LRRC69: variants seen among roughly 807,000 people sequenced by gnomAD.
LRRC69 encodes the protein leucine-rich repeat-containing protein 69.
LRRC69 carries 42 observed loss-of-function variants against 37.8 expected under a neutral mutation model. The observed-to-expected ratio is 1.11, with a 90% CI of 0.87 to 1.44. The LOEUF (loss-of-function observed/expected upper bound fraction) is 1.44, where lower values mean the gene tolerates loss of function less well. LRRC69 is among the 40% of genes most tolerant of loss of function. The pLI is 0.00. For synonymous variants in LRRC69, 141 were observed against 143.1 expected (o/e 0.99, Z 0.11); for missense variants, 357 against 401.9 (o/e 0.89, Z 0.96).
chr8:91,126,693 T>C (rs1025975708), intron 2 of LRRC69, among the ~76,000 whole-genome samples: 3 of 151,940 alleles, frequency 2.0e-5, no homozygotes, highest in African/African-American at 7.2e-5. Flanking sequence ...AGAGCAAACA[T>C]GTTCAAAAGA....
At chr8:91,216,167 C>A (rs1810043121) in intron 7 of LRRC69, among the ~76,000 whole-genome samples, 1 of 152,092 alleles carries the variant, frequency 6.6e-6, no homozygotes, top group Non-Finnish European at 1.5e-5. Context: ...TAACAACGGG[C>A]ATTTAATAGA....
chr8:91,143,617 A>G (rs1808568002), intron 5 of LRRC69, among the ~76,000 whole-genome samples: 1 of 152,010 alleles, frequency 6.6e-6, no homozygotes, highest in Non-Finnish European at 1.5e-5. Flanking sequence ...GCCTCATACA[A>G]TGTTGTCATG....
At chr8:91,197,516 C>T (rs920134378) in intron 6 of LRRC69, among the ~76,000 whole-genome samples, 2 of 152,108 alleles carry the variant, frequency 1.3e-5, no homozygotes, top group African/African-American at 4.8e-5. Flanking sequence ...GTAGGACCCT[C>T]CGAGCCAGGT....
chr8:91,194,753 G>A (rs949852266), intron 6 of LRRC69, among the ~76,000 whole-genome samples: 1 of 151,912 alleles, frequency 6.6e-6, no homozygotes, highest in African/African-American at 2.4e-5. Flanking sequence ...TATTAGTCTT[G>A]CTAGTGGTCT....
intron 5 of LRRC69, among the ~76,000 whole-genome samples, chr8:91,136,393 T>C (rs1256427844): frequency 2.0e-5 from 3 of 152,002 alleles, no homozygotes; most frequent in Non-Finnish European, 4.4e-5. Flanking sequence ...GAGGTTTCAG[T>C]CTTTTTTTAC....
chr8:91,167,938 C>T (rs1409197480), intron 5 of LRRC69, among the ~76,000 whole-genome samples: 1 of 151,884 alleles, frequency 6.6e-6, no homozygotes, highest in Non-Finnish European at 1.5e-5. Context: ...CTTAAATTCC[C>T]CAAGTCTCAA....
At chr8:91,163,125 T>C (rs979781216) in intron 5 of LRRC69, among the ~76,000 whole-genome samples, 2 of 151,474 alleles carry the variant, frequency 1.3e-5, no homozygotes, top group African/African-American at 4.8e-5. Context: ...AGCTCAGATA[T>C]CAACTCCTCA....
chr8:91,127,172 T>A lies in LRRC69; in HGVS notation c.383+12T>A, dbSNP rs746143042. 5.2e-5 allele frequency: 80 copies of A among 1,545,038 alleles called. No individual in the cohort carries two copies. The highest frequency in any genetic ancestry group is 6.8e-5 in the Non-Finnish European group (78 of 1,143,104). ...CAAGAAGTCAGCAGGTAATTTTGTT[T>A]ATAGCAAGACTTGGTTAACAATCGT... is the stretch of plus-strand genomic sequence containing the variant. On this transcript the variant is annotated intron_variant, in intron 3 of 7. Transcript: ENST00000448384.
intron 6 of LRRC69, among the ~76,000 whole-genome samples, chr8:91,198,907 G>T (rs766602482): frequency 2.5e-4 from 38 of 152,170 alleles, no homozygotes; most frequent in South Asian, 4.2e-4. Context: ...AATGGTGTAT[G>T]CTATCCTTCC....
chr8:91,143,281 T>C (rs1297043667), intron 5 of LRRC69, among the ~76,000 whole-genome samples: 5 of 152,118 alleles, frequency 3.3e-5, no homozygotes, highest in Admixed American at 6.6e-5. Context: ...ACCCTTTGCC[T>C]TGGGTGGTTA....
At chr8:91,103,274 A>G (rs1020135030) in intron 1 of LRRC69, among the ~76,000 whole-genome samples, 1 of 152,114 alleles carries the variant, frequency 6.6e-6, no homozygotes, top group Non-Finnish European at 1.5e-5. Flanking sequence ...AGGATGCAGC[A>G]AGGGAGTTCC....
intron 7 of LRRC69, among the ~76,000 whole-genome samples, chr8:91,209,714 T>C (rs969864513): frequency 6.6e-6 from 1 of 152,184 alleles, no homozygotes; most frequent in African/African-American, 2.4e-5. Context: ...GATTAGGTAC[T>C]GCTACTTTAA....
intron 6 of LRRC69, among the ~76,000 whole-genome samples, chr8:91,195,943 T>A (rs1449789240): frequency 6.6e-6 from 1 of 152,246 alleles, no homozygotes. Context: ...CTAGTCCTGA[T>A]GGTCTTTACA....
At chr8:91,177,230 C>T (rs1451609555) in intron 5 of LRRC69, among the ~76,000 whole-genome samples, 1 of 151,994 alleles carries the variant, frequency 6.6e-6, no homozygotes, top group Non-Finnish European at 1.5e-5. Context: ...AACATCAAGT[C>T]ATTCAGGAAT....
chr8:91,160,629 G>T (rs2130564125), intron 5 of LRRC69, among the ~76,000 whole-genome samples: 1 of 151,300 alleles, frequency 6.6e-6, no homozygotes, highest in South Asian at 2.1e-4. Flanking sequence ...ACCATGTGAA[G>T]ATGTGCCTTG....
intron 7 of LRRC69, among the ~76,000 whole-genome samples, chr8:91,211,616 A>ATT (rs34106795): frequency 0.02 from 2,725 of 137,438 alleles, 46 homozygotes; most frequent in South Asian, 0.051. Flanking sequence ...ATATATATAT[A>ATT]TTTTTTTTTT....
intron 7 of LRRC69, among the ~76,000 whole-genome samples, chr8:91,201,866 G>T (rs936042725): frequency 6.6e-6 from 1 of 152,120 alleles, no homozygotes; most frequent in African/African-American, 2.4e-5. Context: ...ATATTAGTTT[G>T]CTAGGGCTGA....
intron 6 of LRRC69, among the ~76,000 whole-genome samples, chr8:91,197,616 T>G (rs1048831870): frequency 6.6e-6 from 1 of 152,076 alleles, no homozygotes; most frequent in African/African-American, 2.4e-5. Flanking sequence ...CCAGATGCCG[T>G]CCGACACCCC....
intron 1 of LRRC69, among the ~76,000 whole-genome samples, chr8:91,118,010 GAGA>G (rs1471402646): frequency 6.6e-6 from 1 of 151,828 alleles, no homozygotes; most frequent in Admixed American, 6.6e-5. Flanking sequence ...TTATGTGAGA[GAGA>G]AGGAGTGCAA....
Sources: allele counts gnomAD v4.1 joint callset (sites outside exome capture counted in the v4.1 genomes callset), GRCh38; gene constraint gnomAD v4.1.1; transcripts MANE v1.5; gene names NCBI Gene and HGNC (gene_info 2026-07-23, HGNC 2026-07-21).